PCDH15: variants seen among roughly 807,000 people sequenced by gnomAD.
The protein encoded by PCDH15 is protocadherin-15.
PCDH15 carries 129 observed loss-of-function variants against 178.5 expected under a neutral mutation model. The ratio of observed to expected loss-of-function variants is 0.72; its 90% CI spans 0.63 to 0.84. The LOEUF is 0.84. PCDH15 is among the 40% of genes least tolerant of loss of function. The probability of loss-of-function intolerance (pLI) is 0.00; values close to 1 mark genes in which losing one functional copy is unlikely to be tolerated. For missense variants in PCDH15, 2,230 were observed against 2,099.9 expected (o/e 1.06, Z -1.21); for synonymous variants, 800 against 732.0 (o/e 1.09, Z -1.50).
chr10:53,983,716 T>A lies in PCDH15; in HGVS notation c.2868+11933A>T, dbSNP rs540449753. On this transcript the variant is annotated intron_variant, in intron 21 of 37. Transcript: ENST00000644397. ...TAAAATTTATTTATTTAAACACAGT[T>A]GTTAAGTTTATGAAGTTGACATTTG... 3.8e-4 allele frequency among the ~76,000 whole-genome samples: 58 copies of A among 152,338 alleles called. No homozygotes were observed. The South Asian group carries it at 0.011, about 29-fold the overall frequency.
intron 3 of PCDH15, among the ~76,000 whole-genome samples, chr10:54,527,337 T>C (rs551335565): frequency 2.0e-5 from 3 of 152,270 alleles, no homozygotes; most frequent in Non-Finnish European, 4.4e-5. Flanking sequence ...TATTTCATGT[T>C]CCCGCTTTCT....
intron 26 of PCDH15, among the ~76,000 whole-genome samples, 160 bp from the exon 27 acceptor site, chr10:53,867,017 T>A (rs1407507863): frequency 6.6e-6 from 1 of 152,148 alleles, no homozygotes. Context: ...TTATGTAGAT[T>A]AATAGACTTT....
intron 2 of PCDH15, among the ~76,000 whole-genome samples, chr10:55,504,444 T>C (rs1370548212): frequency 1.3e-5 from 2 of 151,472 alleles, no homozygotes; most frequent in African/African-American, 4.8e-5. Flanking sequence ...TGTAAATATG[T>C]CATTTAAAAT....
chr10:54,124,764 C>T (rs879914914), intron 15 of PCDH15, among the ~76,000 whole-genome samples: 2 of 152,132 alleles, frequency 1.3e-5, no homozygotes, highest in African/African-American at 2.4e-5. Flanking sequence ...AGCAAAAATG[C>T]ATCCTATTTT....
At position 53,807,136 on chromosome 10, in the gene PCDH15, A is replaced by AAAAT. The variant is rs551454976; in HGVS notation, c.4672-10_4672-7dup. ...ATCATTCTTTTTCTTGCCCACTGAT[A>AAAAT]AAATAAACAAAAATATGTGAGTCAC... On this transcript the variant is annotated splice_polypyrimidine_tract_variant and splice_region_variant and intron_variant, in intron 37 of 37. Transcript: ENST00000644397. 155 of 1,567,040 alleles carry AAAAT rather than the reference A, an allele frequency of 9.9e-5. 3 individuals are homozygous for AAAAT. In the East Asian group the frequency reaches 1.8e-3, roughly 18 times the overall value.
At chr10:54,552,057 A>G (rs1158290255) in intron 2 of PCDH15, among the ~76,000 whole-genome samples, 6 of 152,138 alleles carry the variant, frequency 3.9e-5, no homozygotes, top group Non-Finnish European at 8.8e-5. Context: ...TTCCAGACTC[A>G]TATAACTGTA....
chr10:54,179,361 T>A (rs1462168659), intron 13 of PCDH15, among the ~76,000 whole-genome samples: 1 of 139,592 alleles, frequency 7.2e-6, no homozygotes, highest in South Asian at 2.2e-4. Flanking sequence ...TAGGTGGGAA[T>A]TGAACAATGA....
intron 1 of PCDH15, among the ~76,000 whole-genome samples, chr10:55,280,530 C>G (rs1336903580): frequency 2.0e-5 from 3 of 149,102 alleles, no homozygotes; most frequent in Admixed American, 6.7e-5. Context: ...CTCAGGTGAT[C>G]CACCCCCCTC....
intron 2 of PCDH15, among the ~76,000 whole-genome samples, chr10:55,622,180 T>TATTTATAA (rs1564488646): frequency 7.5e-6 from 1 of 133,692 alleles, no homozygotes; most frequent in African/African-American, 2.8e-5. Flanking sequence ...ATATTATATA[T>TATTTATAA]ATATACATTT....
At chr10:55,180,417 C>T (rs576641876) in intron 1 of PCDH15, among the ~76,000 whole-genome samples, 22 of 152,170 alleles carry the variant, frequency 1.4e-4, no homozygotes, top group Non-Finnish European at 2.8e-4. Flanking sequence ...CCAGTATGTG[C>T]TTTAGATAAG....
chr10:55,495,438 A>C (rs2132132761), intron 2 of PCDH15, among the ~76,000 whole-genome samples: 1 of 151,928 alleles, frequency 6.6e-6, no homozygotes, highest in East Asian at 1.9e-4. Context: ...AATCCAATTA[A>C]AAATGGGAAA....
chr10:54,525,612 C>A (rs1338371250), intron 3 of PCDH15, among the ~76,000 whole-genome samples: 3 of 152,112 alleles, frequency 2.0e-5, no homozygotes, highest in Non-Finnish European at 4.4e-5. Context: ...GTGTGTGCCA[C>A]CACACCTGGC....
intron 25 of PCDH15, among the ~76,000 whole-genome samples, chr10:53,932,409 A>T (rs2133989502): frequency 6.6e-6 from 1 of 152,292 alleles, no homozygotes; most frequent in Non-Finnish European, 1.5e-5. Context: ...ATATAATGTA[A>T]TACTCCAGTC....
chr10:55,444,395 TAAAAGCTGCTCATCTCCTA>T (rs1406015006), intron 2 of PCDH15, among the ~76,000 whole-genome samples: 2 of 152,076 alleles, frequency 1.3e-5, no homozygotes, highest in Admixed American at 1.3e-4. Context: ...TCACTATTAA[TAAAAGCTGCTCATCTCCTA>T]AAAATTACTA....
Position 54,359,654 on chromosome 10 carries a change from A to G in PCDH15, c.474+9466T>C, listed in dbSNP as rs568650385. 5.9e-5 allele frequency among the ~76,000 whole-genome samples: 9 copies of G among 152,204 alleles called. No individual in the cohort carries two copies. The South Asian group carries it at 1.4e-3, about 25-fold the overall frequency. On this transcript the variant is annotated intron_variant, in intron 5 of 37. Transcript: ENST00000644397. The stretch of plus-strand genomic sequence containing the variant: ...CACATTGAACCAATTATTTGTCAAC[A>G]AATTTAATAAGATATACTTATAGAA...
chr10:53,906,122 G>T (rs1006161847), intron 25 of PCDH15, among the ~76,000 whole-genome samples: 1 of 152,088 alleles, frequency 6.6e-6, no homozygotes, highest in African/African-American at 2.4e-5. Flanking sequence ...AATTATGTAG[G>T]ATAGTTTGTA....
At chr10:54,923,578 T>C (rs1837547079) in intron 2 of PCDH15, among the ~76,000 whole-genome samples, 1 of 138,022 alleles carries the variant, frequency 7.2e-6, no homozygotes, top group East Asian at 2.0e-4. Context: ...AGCAGCCAGG[T>C]CACAATTTGA....
intron 2 of PCDH15, among the ~76,000 whole-genome samples, chr10:54,955,267 A>T (rs1838454220): frequency 6.6e-6 from 1 of 151,338 alleles, no homozygotes; most frequent in South Asian, 2.1e-4. Context: ...ATTTATAGAA[A>T]TAAGAGGAAA....
intron 2 of PCDH15, among the ~76,000 whole-genome samples, chr10:55,556,002 AT>A (rs1258737888): frequency 6.6e-6 from 1 of 152,012 alleles, no homozygotes; most frequent in Non-Finnish European, 1.5e-5. Flanking sequence ...TCTAAAATAT[AT>A]TTTTTGCATA....
Sources: allele counts gnomAD v4.1 joint callset (sites outside exome capture counted in the v4.1 genomes callset), GRCh38; gene constraint gnomAD v4.1.1; transcripts MANE v1.5; gene names NCBI Gene and HGNC (gene_info 2026-07-23, HGNC 2026-07-21).